The following PADI1 variants were observed in gnomAD, a reference collection of about 807,000 sequenced individuals.
The protein encoded by PADI1 is protein-arginine deiminase type-1.
PADI1 carries 65 observed loss-of-function variants against 74.8 expected under a neutral mutation model. That is an observed-to-expected ratio of 0.87 (90% CI 0.71 to 1.07). The LOEUF (loss-of-function observed/expected upper bound fraction) is 1.07. PADI1 is among the 50% of genes least tolerant of loss of function. The pLI is 0.00. For missense variants in PADI1, 943 were observed against 854.0 expected (o/e 1.10, Z -1.30); for synonymous variants, 371 against 336.2 (o/e 1.10, Z -1.13).
At chr1:17,223,756 G>C in intron 3 of PADI1, 63 bp downstream of exon 3, 1 of 1,356,366 alleles carries the variant, frequency 7.4e-7, no homozygotes, top group Non-Finnish European at 1.0e-6. Context: ...CTGTTTGAGG[G>C]TCTTAGTGGA....
Position 17,239,801 on chromosome 1 carries a change from C to T in PADI1, c.1632+18C>T. 1.3e-6 allele frequency: 2 copies of T among 1,592,528 alleles called. No individual in the cohort carries two copies. Among genetic ancestry groups the T allele is most frequent in the Non-Finnish European group, 1.7e-6 (2 of 1,161,126 alleles). Reference sequence around the variant, plus strand: ...ATGCACAGGTGAGAGGCAGGACCACCAGCTGCTCTAAGGGGTCCTTTCCCT... The same window carrying T: ...ATGCACAGGTGAGAGGCAGGACCACTAGCTGCTCTAAGGGGTCCTTTCCCT... On this transcript the variant is annotated intron_variant, in intron 14 of 15. Transcript: ENST00000375471.
Position 17,225,792 on chromosome 1 carries a change from G to A in PADI1, c.409-19G>A, listed in dbSNP as rs141463441. 4.5e-3 allele frequency: 7,248 copies of A among 1,598,306 alleles called. 42 individuals are homozygous for A. The highest frequency in any genetic ancestry group is 0.023 in the Middle Eastern group (135 of 5,968). ...CCTCCTGGGTCCCACTGATCCCAAG[G>A]CATCTTATTTTGCCACAGAAAACCT... On this transcript the variant is annotated intron_variant, in intron 4 of 15. Transcript: ENST00000375471.
Position 17,205,192 on chromosome 1 carries a change from T to C in PADI1, c.-26T>C. On this transcript the variant is annotated 5_prime_UTR_variant, in exon 1 of 16. Coordinates refer to ENST00000375471, the MANE Select transcript of PADI1 (RefSeq NM_013358.3). ...GGGAGCTGGGGAGCCAGGGCTGATC[T>C]AGGAGGCTGGGAGCCAGGTGACAGG... 6.2e-7 allele frequency: 1 copy of C among 1,603,362 alleles called. No individual in the cohort carries two copies. The highest frequency in any genetic ancestry group is 8.5e-7 in the Non-Finnish European group (1 of 1,170,824).
intron 15 of PADI1, among the ~76,000 whole-genome samples, chr1:17,242,154 C>G (rs2072790632): frequency 3.3e-5 from 5 of 152,156 alleles, no homozygotes; most frequent in Admixed American, 3.3e-4. Flanking sequence ...CAGTGCCTCG[C>G]AGGATGCTTA....
intron 6 of PADI1, among the ~76,000 whole-genome samples, chr1:17,228,302 A>G (rs2072381562): frequency 6.6e-6 from 1 of 152,252 alleles, no homozygotes. Flanking sequence ...ACGAATTAAT[A>G]ATATTCCATC....
At chr1:17,233,170 T>C (rs1339258331) in intron 11 of PADI1, among the ~76,000 whole-genome samples, 200 bp downstream of exon 11, 1 of 152,222 alleles carries the variant, frequency 6.6e-6, no homozygotes, top group Non-Finnish European at 1.5e-5. Flanking sequence ...AGTCACACGC[T>C]TGTGGCCTGC....
chr1:17,206,053 G>T (rs952903238), intron 1 of PADI1, among the ~76,000 whole-genome samples: 2 of 152,162 alleles, frequency 1.3e-5, no homozygotes, highest in Non-Finnish European at 2.9e-5. Context: ...TCCCTACCTG[G>T]CCACTAAGGG....
At chr1:17,237,041 G>A (rs1002621591) in intron 11 of PADI1, among the ~76,000 whole-genome samples, 4 of 152,216 alleles carry the variant, frequency 2.6e-5, no homozygotes, top group African/African-American at 9.6e-5. Context: ...GTAACTTGGA[G>A]CTGGTATTTC....
chr1:17,225,809 A>C lies in PADI1; in HGVS notation c.409-2A>C, dbSNP rs767988224. The C allele has an allele frequency of 1.2e-5, 19 of 1,613,440 alleles. No individual in the cohort carries two copies. The highest frequency in any genetic ancestry group is 1.6e-5 in the Non-Finnish European group (19 of 1,179,434). On this transcript the variant is annotated splice_acceptor_variant, in intron 4 of 15. Transcript: ENST00000375471. LOFTEE classifies it high-confidence loss of function. ...ATCCCAAGGCATCTTATTTTGCCAC[A>C]GAAAACCTGGCGCTGGGGCCCTGAG...
chr1:17,222,336 G>A lies in PADI1; in HGVS notation c.139G>A (p.Gly47Arg), dbSNP rs199980005. The A allele has an allele frequency of 8.7e-6, 14 of 1,614,068 alleles. No homozygotes were observed. Among genetic ancestry groups the A allele is most frequent in the Admixed American group, 1.7e-5 (1 of 60,028 alleles). Residue 47 changes from glycine to arginine, a missense_variant, in exon 2 of 16, where the codon GGG (glycine) becomes AGG (arginine). Coordinates refer to ENST00000375471, the MANE Select transcript of PADI1 (RefSeq NM_013358.3). ...CAGCTTCAGGGTCTCTGGAAGCTCCGGGGTGGAGGTCTTCATGGTCTACAA... is the reference window on the plus strand; with the variant it reads ...CAGCTTCAGGGTCTCTGGAAGCTCCAGGGTGGAGGTCTTCATGGTCTACAA... ...ANSFRVSGSS[G>R]VEVFMVYNRT... is the part of the protein sequence containing the mutation.
chr1:17,226,244 C>A, intron 6 of PADI1, 86 bp downstream of exon 6: 1 of 1,463,038 alleles, frequency 6.8e-7, no homozygotes, highest in Non-Finnish European at 9.4e-7. Flanking sequence ...TTTTCCATCA[C>A]CTTTTTGTAA....
chr1:17,209,417 G>A (rs1330074977), intron 1 of PADI1, among the ~76,000 whole-genome samples: 2 of 152,196 alleles, frequency 1.3e-5, no homozygotes, highest in African/African-American at 4.8e-5. Flanking sequence ...AGGCCCGGGG[G>A]TTGTAAAAAC....
intron 1 of PADI1, among the ~76,000 whole-genome samples, chr1:17,220,091 G>A (rs2072094774): frequency 6.6e-6 from 1 of 152,098 alleles, no homozygotes; most frequent in South Asian, 2.1e-4. Context: ...ACCCCCAAAA[G>A]TGCTGTGGAA....
At chr1:17,228,265 A>G (rs1410564617) in intron 6 of PADI1, among the ~76,000 whole-genome samples, 3 of 152,226 alleles carry the variant, frequency 2.0e-5, no homozygotes, top group Non-Finnish European at 4.4e-5. Flanking sequence ...GACATGAGCC[A>G]CCATACCTGT....
chr1:17,221,312 A>G lies in PADI1; in HGVS notation c.93-978A>G, dbSNP rs528769722. On this transcript the variant is annotated intron_variant, in intron 1 of 15. Transcript: ENST00000375471. ...TGCAGCTGTGAACAAAACAGATAAA[A>G]TTCCTGCCCTTGTGGAGCTGACCTT... is the stretch of plus-strand genomic sequence containing the variant. Among the ~76,000 whole-genome samples, 3 of 152,088 alleles carry G rather than the reference A, an allele frequency of 2.0e-5. No individual in the cohort carries two copies. The South Asian group carries it at 6.2e-4, about 32-fold the overall frequency.
intron 13 of PADI1, 109 bp from the exon 14 acceptor site, chr1:17,239,595 C>A (rs538490829): frequency 1.2e-6 from 1 of 801,050 alleles, no homozygotes; most frequent in Non-Finnish European, 2.1e-6. Flanking sequence ...GCTTCTGACC[C>A]TGGCACTGAG....
At chr1:17,234,359 C>T (rs80254546) in intron 11 of PADI1, among the ~76,000 whole-genome samples, 15,879 of 152,258 alleles carry the variant, frequency 0.1, 898 homozygotes, top group African/African-American at 0.16. Context: ...AATCCCAGTC[C>T]TAGCTACAGA....
intron 11 of PADI1, among the ~76,000 whole-genome samples, chr1:17,233,557 C>T (rs1275848809): frequency 6.6e-6 from 1 of 152,290 alleles, no homozygotes; most frequent in Non-Finnish European, 1.5e-5. Context: ...AAACAGGTGG[C>T]GATGTCTGTT....
intron 15 of PADI1, among the ~76,000 whole-genome samples, chr1:17,243,165 C>T (rs1254342965): frequency 6.6e-6 from 1 of 152,244 alleles, no homozygotes; most frequent in African/African-American, 2.4e-5. Flanking sequence ...CCCCTTATGA[C>T]CTCTTGCCAT....
Sources: gnomAD v4.1 joint callset for allele counts (sites outside exome capture counted in the v4.1 genomes callset) on GRCh38, gnomAD v4.1.1 for gene constraint, MANE v1.5 for transcripts, NCBI Gene and HGNC (gene_info 2026-07-23, HGNC 2026-07-21) for gene names.